Variants in GALM observed in about 807,000 individuals in gnomAD.
GALM encodes galactose mutarotase.
Under a neutral mutation model 37.4 loss-of-function variants are expected in GALM, and 43 were observed. The observed-to-expected ratio is 1.15, with a 90% confidence interval of 0.90 to 1.48. The LOEUF (loss-of-function observed/expected upper bound fraction) is 1.48, where lower values mean the gene tolerates loss of function less well. Ranked by LOEUF, GALM falls within the 40% of genes most tolerant of loss-of-function variation. The pLI, the probability that GALM is intolerant of heterozygous loss-of-function variation, is 0.00. For synonymous variants in GALM, 199 were observed against 170.6 expected (o/e 1.17, Z -1.30); for missense variants, 456 against 419.1 (o/e 1.09, Z -0.77).
intron 4 of GALM, among the ~76,000 whole-genome samples, chr2:38,719,013 G>A (rs1666323856): frequency 6.6e-6 from 1 of 151,868 alleles, no homozygotes; most frequent in Admixed American, 6.6e-5. Context: ...CATTTCTTCA[G>A]TCTTCCCCCT....
At chr2:38,672,496 G>C (rs993015374) in intron 1 of GALM, among the ~76,000 whole-genome samples, 1 of 152,132 alleles carries the variant, frequency 6.6e-6, no homozygotes, top group Admixed American at 6.6e-5. Context: ...CCTGTGCCTA[G>C]GGATGGAGGT....
intron 1 of GALM, among the ~76,000 whole-genome samples, chr2:38,673,828 A>G (rs963058260): frequency 8.8e-5 from 13 of 147,528 alleles, no homozygotes; most frequent in African/African-American, 3.0e-4. Flanking sequence ...AAAAAAAGGG[A>G]ACTCAAAAAA....
At chr2:38,726,627 C>T (rs377019854) in intron 4 of GALM, among the ~76,000 whole-genome samples, 3 of 152,150 alleles carry the variant, frequency 2.0e-5, no homozygotes, top group South Asian at 2.1e-4. Flanking sequence ...GAAGTAGTCT[C>T]GGCCGGGCTC....
At chr2:38,731,396 CAAAAAAAAAAAA>C (rs66613702) in intron 5 of GALM, among the ~76,000 whole-genome samples, 2 of 121,650 alleles carry the variant, frequency 1.6e-5, no homozygotes, top group Admixed American at 8.6e-5. Flanking sequence ...GACTCTATTT[CAAAAAAAAAAAA>C]AAAAAAAAAA....
At chr2:38,711,363 G>C (rs764490482) in intron 4 of GALM, among the ~76,000 whole-genome samples, 1 of 151,898 alleles carries the variant, frequency 6.6e-6, no homozygotes, top group Admixed American at 6.6e-5. Flanking sequence ...GTTTCACGAC[G>C]TTGGTCACGC....
chr2:38,731,853 C>G lies in GALM; in HGVS notation c.895C>G (p.Pro299Ala). The change falls in exon 6 of 7, where the codon CCC (proline) becomes GCC (alanine). Residue 299 changes from proline (P) to alanine (A), a missense_variant. By Grantham distance (27) the Pro-to-Ala change is conservative. Transcript: ENST00000272252. The part of the protein sequence containing the change: ...TLKGKNGAVY[P>A]KHSGFCLETQ... ...AAAGGGCAAGAATGGAGCTGTCTAT[C>G]CCAAGCACTCCGGTTTCTGCCTGGA... 6.2e-7 allele frequency: 1 copy of G among 1,614,120 alleles called. No homozygotes were observed. The highest frequency in any genetic ancestry group is 2.2e-5 in the East Asian group (1 of 44,884).
rs148450057 is a variant in GALM at position 38,682,809 on chromosome 2, T to G, written c.552+1323T>G. 6.3e-3 allele frequency among the ~76,000 whole-genome samples: 956 copies of G among 151,454 alleles called. 13 individuals are homozygous for G. The highest frequency in any genetic ancestry group is 0.022 in the African/African-American group (906 of 41,262). ...TATTCGGGAGGCTGAGACAGGAGAATCACTTGAACCTGGAAGGCGGAGGTT... is the reference window on the plus strand; with the variant it reads ...TATTCGGGAGGCTGAGACAGGAGAAGCACTTGAACCTGGAAGGCGGAGGTT... On this transcript the variant is annotated intron_variant, in intron 3 of 6. Transcript: ENST00000272252.
rs370249649 is a variant in GALM at position 38,703,185 on chromosome 2, G to A, written c.634+13291G>A. ...TGCAATGGTGCGATCTCAGCTCACCGCAACCTCTGCCTCCCAGGTTCAAGC... is the reference window on the plus strand; with the variant it reads ...TGCAATGGTGCGATCTCAGCTCACCACAACCTCTGCCTCCCAGGTTCAAGC... On this transcript the variant is annotated intron_variant, in intron 4 of 6. Transcript: ENST00000272252. Among the ~76,000 whole-genome samples the A allele has an allele frequency of 6.4e-5, 8 of 124,942 alleles. 1 individual carries two copies. In the South Asian group the frequency reaches 1.5e-3, roughly 23 times the overall value. 82.0% of individuals were successfully genotyped at this position (124,942 alleles called of 152,430 possible).
At chr2:38,726,231 T>C (rs796289070) in intron 4 of GALM, among the ~76,000 whole-genome samples, 5 of 6,334 alleles carry the variant, frequency 7.9e-4, no homozygotes, top group African/African-American at 1.3e-3. Flanking sequence ...TTTTTTTTTA[T>C]TTTTTTTTTT....
At chr2:38,710,285 G>C (rs1434127806) in intron 4 of GALM, among the ~76,000 whole-genome samples, 2 of 152,180 alleles carry the variant, frequency 1.3e-5, no homozygotes, top group African/African-American at 4.8e-5. Context: ...GAGCTATTTA[G>C]AGCCTATAAA....
chr2:38,729,241 G>A (rs1475633596), intron 4 of GALM, among the ~76,000 whole-genome samples: 1 of 151,848 alleles, frequency 6.6e-6, no homozygotes, highest in Non-Finnish European at 1.5e-5. Context: ...ATGCTGGAGT[G>A]CAGTGGTGCA....
At chr2:38,731,360 G>A (rs966120692) in intron 5 of GALM, among the ~76,000 whole-genome samples, 1 of 144,410 alleles carries the variant, frequency 6.9e-6, no homozygotes, top group South Asian at 2.2e-4. Context: ...TCGCGCCACT[G>A]CACTCCAGCC....
chr2:38,707,238 G>T (rs566437231), intron 4 of GALM, among the ~76,000 whole-genome samples: 2 of 152,048 alleles, frequency 1.3e-5, no homozygotes. Context: ...TGAGTGTGAC[G>T]TTAGAGAAAT....
chr2:38,695,730 G>C (rs1265395638), intron 4 of GALM, among the ~76,000 whole-genome samples: 1 of 152,186 alleles, frequency 6.6e-6, no homozygotes, highest in Non-Finnish European at 1.5e-5. Flanking sequence ...GTCTCACTCT[G>C]TTGCCCAGGC....
chr2:38,721,368 T>C (rs2148454788), intron 4 of GALM, among the ~76,000 whole-genome samples: 1 of 152,368 alleles, frequency 6.6e-6, no homozygotes, highest in South Asian at 2.1e-4. Flanking sequence ...GCAGTTGTAG[T>C]GGCTAGAGTA....
chr2:38,733,461 A>G, intron 6 of GALM, 27 bp from the exon 7 acceptor site: 1 of 1,598,844 alleles, frequency 6.3e-7, no homozygotes, highest in Admixed American at 1.7e-5. Flanking sequence ...GGTGTCAAGC[A>G]TCACCTGTGT....
chr2:38,690,558 C>T (rs1027676134), intron 4 of GALM, among the ~76,000 whole-genome samples: 1 of 151,994 alleles, frequency 6.6e-6, no homozygotes, highest in African/African-American at 2.4e-5. Context: ...CTCCCATCTC[C>T]ACTTCCTGAG....
intron 4 of GALM, among the ~76,000 whole-genome samples, chr2:38,719,567 G>C (rs1402498862): frequency 1.3e-5 from 2 of 151,242 alleles, no homozygotes; most frequent in African/African-American, 4.9e-5. Flanking sequence ...TTGAGGTCAG[G>C]AGTTTAAGAC....
Position 38,717,253 on chromosome 2 carries a change from G to GA in GALM, c.635-12290dup, listed in dbSNP as rs796646285. On this transcript the variant is annotated intron_variant, in intron 4 of 6. Coordinates refer to ENST00000272252, the MANE Select transcript of GALM (RefSeq NM_138801.3). ...CAACAAGAGCGAAACTCCATCTCAAGAAAAAAAAAAAAAGTTTATGCTGTG... is the reference window on the plus strand; with the variant it reads ...CAACAAGAGCGAAACTCCATCTCAAGAAAAAAAAAAAAAAGTTTATGCTGTG... Among the ~76,000 whole-genome samples the GA allele has an allele frequency of 1.6e-3, 205 of 125,054 alleles. 1 individual carries two copies. The highest frequency in any genetic ancestry group is 3.2e-3 in the South Asian group (12 of 3,772). 82.0% of individuals were successfully genotyped at this position (125,054 alleles called of 152,430 possible). A position where few individuals can be genotyped will look rare whatever the true frequency, so the allele number is the denominator to read the frequency against.
Sources: gnomAD v4.1 joint callset for allele counts (sites outside exome capture counted in the v4.1 genomes callset) on GRCh38, gnomAD v4.1.1 for gene constraint, MANE v1.5 for transcripts, NCBI Gene and HGNC (gene_info 2026-07-23, HGNC 2026-07-21) for gene names.